NBAS: variants seen among roughly 807,000 people sequenced by gnomAD.
The protein encoded by NBAS is NBAS subunit of NRZ tethering complex.
In NBAS, 219 loss-of-function variants were observed where a neutral mutation model predicts 302.5. That is an observed-to-expected ratio of 0.72 (90% CI 0.65 to 0.81). The LOEUF is 0.81. Ranked by LOEUF, NBAS falls within the 30% of genes least tolerant of loss-of-function variation. The pLI, the probability that NBAS is intolerant of heterozygous loss-of-function variation, is 0.00. For missense variants in NBAS, 2,932 were observed against 2,841.6 expected, an observed-to-expected ratio of 1.03 and a Z score of -0.72; for synonymous variants, 1,118 against 1,021.6, an observed-to-expected ratio of 1.09 and a Z score of -1.80.
intron 5 of NBAS, among the ~76,000 whole-genome samples, chr2:15,552,648 A>G (rs1038094432): frequency 2.6e-5 from 4 of 152,168 alleles, no homozygotes; most frequent in Non-Finnish European, 1.5e-5. Flanking sequence ...TCCAGCTTAG[A>G]GATGTCTTTT....
chr2:15,326,741 G>A (rs187246856), intron 38 of NBAS, among the ~76,000 whole-genome samples: 1 of 152,218 alleles, frequency 6.6e-6, no homozygotes, highest in East Asian at 1.9e-4. Flanking sequence ...CCTGATTAGA[G>A]AAGGATAGGT....
intron 11 of NBAS, among the ~76,000 whole-genome samples, chr2:15,497,074 T>G (rs962862651): frequency 5.3e-5 from 8 of 152,002 alleles, no homozygotes; most frequent in Non-Finnish European, 2.9e-5. Flanking sequence ...GAAAAGAACA[T>G]GGCACCCTTG....
At chr2:15,250,169 A>G (rs533050271) in intron 44 of NBAS, among the ~76,000 whole-genome samples, 22 of 152,296 alleles carry the variant, frequency 1.4e-4, no homozygotes, top group Admixed American at 9.8e-4. Context: ...CACATCTACA[A>G]TCATCTGATC....
At chr2:15,184,834 A>G (rs894256813) in intron 50 of NBAS, among the ~76,000 whole-genome samples, 2 of 152,208 alleles carry the variant, frequency 1.3e-5, no homozygotes, top group Admixed American at 6.5e-5. Flanking sequence ...GCCAACTTAC[A>G]TTCCTTGCCT....
chr2:14,979,581 T>C, the NBAS span, among the ~76,000 whole-genome samples: 25 of 152,180 alleles, frequency 1.6e-4, no homozygotes, highest in Non-Finnish European at 2.9e-5. Context: ...GAGCTGGGAT[T>C]CACGACCAGA....
At chr2:14,855,904 C>T in the NBAS span, among the ~76,000 whole-genome samples, 1 of 152,182 alleles carries the variant, frequency 6.6e-6, no homozygotes, top group East Asian at 1.9e-4. Context: ...GATTGTAGAG[C>T]CCCAGGGCAT....
At chr2:15,018,208 T>G in the NBAS span, among the ~76,000 whole-genome samples, 23 of 151,814 alleles carry the variant, frequency 1.5e-4, no homozygotes, top group African/African-American at 4.6e-4. Flanking sequence ...GAAGGAGAAA[T>G]AAGTTCTAGT....
the NBAS span, among the ~76,000 whole-genome samples, chr2:15,117,038 A>G: frequency 6.6e-6 from 1 of 152,022 alleles, no homozygotes; most frequent in African/African-American, 2.4e-5. Context: ...TTTCAATGCA[A>G]TGCTTCACAA....
At chr2:15,455,273 T>C (rs1679200275) in intron 21 of NBAS, among the ~76,000 whole-genome samples, 1 of 152,168 alleles carries the variant, frequency 6.6e-6, no homozygotes, top group Admixed American at 6.5e-5. Context: ...ATACCATTAA[T>C]CCCCTTTTTC....
chr2:15,247,807 C>A (rs1668172429), intron 44 of NBAS, among the ~76,000 whole-genome samples: 1 of 151,716 alleles, frequency 6.6e-6, no homozygotes, highest in Admixed American at 6.6e-5. Flanking sequence ...GCTCATAAAG[C>A]AAGTTCCTAG....
the NBAS span, among the ~76,000 whole-genome samples, chr2:14,991,971 G>A: frequency 1.3e-5 from 2 of 152,290 alleles, no homozygotes; most frequent in African/African-American, 2.4e-5. Context: ...GGTTACGGAG[G>A]AGGAGCACCT....
rs1398721394 is a variant in NBAS, at chr2:15,493,825, TTC to T, written c.955-4805_955-4804del. 1.8e-4 allele frequency among the ~76,000 whole-genome samples: 25 copies of T among 140,998 alleles called. No homozygotes were observed. In the East Asian group the frequency reaches 4.3e-3, roughly 25 times the overall value. 92.5% of individuals were successfully genotyped at this position (140,998 alleles called of 152,430 possible). A position where few individuals can be genotyped will look rare whatever the true frequency, so the allele number is the denominator to read the frequency against. The stretch of plus-strand genomic sequence containing the variant: ...ATAAAATTTATATGTAGCTGCAATT[TTC>T]TCTTTTTTTTTTTTTTTTTTGGAGA... On this transcript the variant is annotated intron_variant, in intron 11 of 51. Coordinates refer to ENST00000281513, the MANE Select transcript of NBAS (RefSeq NM_015909.4).
At chr2:15,060,702 G>A in the NBAS span, among the ~76,000 whole-genome samples, 234 of 152,214 alleles carry the variant, frequency 1.5e-3, no homozygotes, top group African/African-American at 5.5e-3. Context: ...CTTTCTCGTG[G>A]GTGATTTAAA....
At chr2:15,316,028 T>C (rs1007369085) in intron 38 of NBAS, among the ~76,000 whole-genome samples, 7 of 152,204 alleles carry the variant, frequency 4.6e-5, no homozygotes, top group Non-Finnish European at 8.8e-5. Flanking sequence ...AGATGGTAAG[T>C]AAGTTTCACT....
intron 28 of NBAS, among the ~76,000 whole-genome samples, chr2:15,385,408 C>T (rs1426422205): frequency 6.6e-6 from 1 of 152,188 alleles, no homozygotes; most frequent in Admixed American, 6.5e-5. Flanking sequence ...AACACTGGGG[C>T]AGATGGTACT....
At chr2:14,895,963 T>C in the NBAS span, among the ~76,000 whole-genome samples, 1 of 150,590 alleles carries the variant, frequency 6.6e-6, no homozygotes, top group Non-Finnish European at 1.5e-5. Context: ...AATATATCTA[T>C]GAAACAAACC....
chr2:15,379,012 A>G (rs1674893298), intron 30 of NBAS, among the ~76,000 whole-genome samples: 1 of 152,172 alleles, frequency 6.6e-6, no homozygotes, highest in African/African-American at 2.4e-5. Context: ...AAATCGCTGC[A>G]ATTGGGTATA....
intron 44 of NBAS, among the ~76,000 whole-genome samples, chr2:15,268,171 C>G (rs1669158859): frequency 1.3e-5 from 2 of 152,210 alleles, no homozygotes; most frequent in South Asian, 4.1e-4. Context: ...CTATGAGTCC[C>G]AAGATGTCAA....
At chr2:15,268,117 A>G (rs2148033990) in intron 44 of NBAS, among the ~76,000 whole-genome samples, 1 of 152,314 alleles carries the variant, frequency 6.6e-6, no homozygotes, top group South Asian at 2.1e-4. Context: ...TATTTTCTCC[A>G]TCTTTCAAGT....
Sources: allele counts gnomAD v4.1 joint callset (sites outside exome capture counted in the v4.1 genomes callset), GRCh38; gene constraint gnomAD v4.1.1; transcripts MANE v1.5; gene names NCBI Gene and HGNC (gene_info 2026-07-23, HGNC 2026-07-21).